Variants in KAZN observed in about 807,000 individuals in gnomAD.
KAZN encodes kazrin.
Under a neutral mutation model 87.4 loss-of-function variants are expected in KAZN, and 40 were observed. The observed-to-expected ratio is 0.46, with a 90% CI of 0.36 to 0.60. The LOEUF is 0.60. KAZN is among the 20% of genes least tolerant of loss of function. KAZN has a pLI of 0.00. For synonymous variants in KAZN, 466 were observed against 458.3 expected (o/e 1.02, Z -0.22); for missense variants, 898 against 1,073.9 (o/e 0.84, Z 2.29).
At chr1:14,126,508 G>A (rs4578218) in intron 1 of KAZN, among the ~76,000 whole-genome samples, 86,905 of 152,030 alleles carry the variant, frequency 0.57, 26,089 homozygotes, top group East Asian at 0.76. Context: ...TTCTTTCCTG[G>A]TATGTTTCCT....
At position 14,334,280 on chromosome 1, in the gene KAZN, G is replaced by A. The variant is rs193229187; in HGVS notation, c.249+153688G>A. On this transcript the variant is annotated intron_variant, in intron 2 of 16. Coordinates refer to the KAZN transcript ENST00000636203. The stretch of plus-strand genomic sequence containing the variant: ...CTTGGGAGGCTGAGGCAGGAGAATC[G>A]CTCAAACCCAAGAAGCAGAGGTTGC... Among the ~76,000 whole-genome samples the A allele has an allele frequency of 3.3e-3, 454 of 136,484 alleles. 3 individuals carry two copies. Among genetic ancestry groups the A allele is most frequent in the Non-Finnish European group, 5.0e-3 (329 of 66,046 alleles). The allele number at this position is 136,484 out of a possible 152,430, so 89.5% of individuals were successfully genotyped here. A position where few individuals can be genotyped will look rare whatever the true frequency, so the allele number is the denominator to read the frequency against.
chr1:14,442,401 C>A (rs1666754908), intron 2 of KAZN, among the ~76,000 whole-genome samples: 1 of 152,224 alleles, frequency 6.6e-6, no homozygotes, highest in Non-Finnish European at 1.5e-5. Flanking sequence ...GCTGCAGGAA[C>A]AGGGACTGTC....
intron 1 of KAZN, among the ~76,000 whole-genome samples, chr1:14,702,326 CTGTGTGTGTGTGTGTGTGTGTGTG>C (rs3222186): frequency 6.0e-5 from 8 of 133,368 alleles, no homozygotes; most frequent in East Asian, 2.3e-4. Flanking sequence ...TTTTGCAAAA[CTGTGTGTGTGTGTGTGTGTGTGTG>C]TGTGTGTGTG....
intron 2 of KAZN, among the ~76,000 whole-genome samples, chr1:14,189,106 C>T (rs1177564069): frequency 2.0e-5 from 3 of 152,210 alleles, no homozygotes; most frequent in Non-Finnish European, 2.9e-5. Context: ...GGTGCCAACT[C>T]GAGCCAATAG....
At chr1:14,298,632 G>A (rs1403196549) in intron 2 of KAZN, among the ~76,000 whole-genome samples, 2 of 152,116 alleles carry the variant, frequency 1.3e-5, no homozygotes, top group African/African-American at 4.8e-5. Context: ...CTAAAAGTTT[G>A]GAAAGGAATG....
At chr1:14,978,016 C>A (rs1489825463) in intron 2 of KAZN, among the ~76,000 whole-genome samples, 1 of 151,948 alleles carries the variant, frequency 6.6e-6, no homozygotes, top group African/African-American at 2.4e-5. Context: ...CCTCCGCCTC[C>A]CGAGTAGCTG....
At chr1:14,774,794 A>ATT (rs111908390) in intron 1 of KAZN, among the ~76,000 whole-genome samples, 21,925 of 151,950 alleles carry the variant, frequency 0.14, 1,734 homozygotes, top group African/African-American at 0.21. Flanking sequence ...CCTTGAGCAG[A>ATT]TTTTTTTATC....
At chr1:14,672,423 G>A (rs545049496) in intron 1 of KAZN, among the ~76,000 whole-genome samples, 28 of 152,140 alleles carry the variant, frequency 1.8e-4, no homozygotes, top group Admixed American at 1.4e-3. Context: ...GATGTGGCCC[G>A]AACCCTCCCT....
chr1:14,015,468 T>A (rs1640521596), intron 1 of KAZN, among the ~76,000 whole-genome samples: 2 of 30,732 alleles, frequency 6.5e-5, no homozygotes, highest in East Asian at 4.3e-4. Context: ...ACTTTTTTTT[T>A]TTTTTTTTTT....
intron 1 of KAZN, among the ~76,000 whole-genome samples, chr1:14,052,856 A>G (rs1642399389): frequency 6.6e-6 from 1 of 152,180 alleles, no homozygotes; most frequent in Admixed American, 6.5e-5. Context: ...ACAGCCAGTG[A>G]AGTGCTCCTG....
chr1:14,724,147 G>A (rs919154157), intron 1 of KAZN, among the ~76,000 whole-genome samples: 1 of 152,100 alleles, frequency 6.6e-6, no homozygotes, highest in Non-Finnish European at 1.5e-5. Flanking sequence ...TCCGGGTGGC[G>A]AGCAGGTGCA....
intron 2 of KAZN, among the ~76,000 whole-genome samples, chr1:15,023,528 C>T (rs1219623179): frequency 6.6e-6 from 1 of 151,852 alleles, no homozygotes; most frequent in Non-Finnish European, 1.5e-5. Flanking sequence ...GGCAGCTTCC[C>T]CGGAATGTGA....
chr1:14,918,430 A>G (rs1441050037), intron 1 of KAZN, among the ~76,000 whole-genome samples: 1 of 151,654 alleles, frequency 6.6e-6, no homozygotes, highest in Non-Finnish European at 1.5e-5. Context: ...AACCCCAGCA[A>G]TTTGGGAGAC....
chr1:14,038,625 C>T (rs1258661949), intron 1 of KAZN, among the ~76,000 whole-genome samples: 1 of 152,146 alleles, frequency 6.6e-6, no homozygotes, highest in African/African-American at 2.4e-5. Flanking sequence ...CCAGTGCCTT[C>T]CTCCCTGGGC....
At chr1:14,810,746 G>C (rs976620182) in intron 1 of KAZN, among the ~76,000 whole-genome samples, 4 of 152,192 alleles carry the variant, frequency 2.6e-5, no homozygotes, top group South Asian at 2.1e-4. Flanking sequence ...AGGACATGAG[G>C]GTGGCCTAGA....
At chr1:15,049,214 G>T (rs1674028560) in intron 4 of KAZN, among the ~76,000 whole-genome samples, 1 of 152,180 alleles carries the variant, frequency 6.6e-6, no homozygotes, top group Non-Finnish European at 1.5e-5. Flanking sequence ...TGTGGGGCTG[G>T]GAGACAGGGC....
At chr1:14,881,741 A>C (rs947103276) in intron 1 of KAZN, among the ~76,000 whole-genome samples, 2 of 152,216 alleles carry the variant, frequency 1.3e-5, no homozygotes, top group African/African-American at 4.8e-5. Flanking sequence ...AGAAGACCTC[A>C]TATGAACCAT....
intron 1 of KAZN, among the ~76,000 whole-genome samples, chr1:14,788,008 G>A (rs1019986029): frequency 6.6e-6 from 1 of 152,188 alleles, no homozygotes; most frequent in Non-Finnish European, 1.5e-5. Context: ...GAATGGCTCT[G>A]TACAGGAATG....
At chr1:14,639,192 G>A (rs1397841869) in intron 1 of KAZN, among the ~76,000 whole-genome samples, 2 of 152,116 alleles carry the variant, frequency 1.3e-5, no homozygotes, top group African/African-American at 4.8e-5. Context: ...TCAGGGCTCT[G>A]GGCCCAAGAG....
Sources: allele counts gnomAD v4.1 joint callset (sites outside exome capture counted in the v4.1 genomes callset), GRCh38; gene constraint gnomAD v4.1.1; transcripts MANE v1.5; gene names NCBI Gene and HGNC (gene_info 2026-07-23, HGNC 2026-07-21).